Variants in NXPH2 observed in about 807,000 individuals in gnomAD.
The protein encoded by NXPH2 is neurexophilin 2.
A neutral mutation model predicts 19.8 loss-of-function variants in NXPH2; 5 were observed. The ratio of observed to expected loss-of-function variants is 0.25; its 90% CI spans 0.13 to 0.53. The LOEUF (loss-of-function observed/expected upper bound fraction) is 0.53, where lower values mean the gene tolerates loss of function less well. Ranked by LOEUF, NXPH2 falls within the 20% of genes least tolerant of loss-of-function variation. NXPH2 has a pLI of 0.96. For synonymous variants in NXPH2, 154 were observed against 127.4 expected (o/e 1.21, Z -1.41); for missense variants, 289 against 322.8 (o/e 0.90, Z 0.80).
intron 1 of NXPH2, among the ~76,000 whole-genome samples, chr2:138,723,159 G>A (rs1308139727): frequency 1.4e-5 from 2 of 140,170 alleles, no homozygotes; most frequent in East Asian, 2.6e-4. Context: ...AACACAAACA[G>A]ACAAGCAAGC....
intron 1 of NXPH2, among the ~76,000 whole-genome samples, chr2:138,723,743 C>G (rs1051930308): frequency 5.9e-5 from 9 of 152,152 alleles, no homozygotes; most frequent in Admixed American, 5.9e-4. Context: ...TGGAGAGAAG[C>G]TCACCCACTC....
At chr2:138,770,251 C>T (rs906694500) in intron 1 of NXPH2, among the ~76,000 whole-genome samples, 36 of 152,080 alleles carry the variant, frequency 2.4e-4, no homozygotes, top group Admixed American at 2.2e-3. Flanking sequence ...TAATTCTAAT[C>T]CCACCATAAT....
intron 1 of NXPH2, among the ~76,000 whole-genome samples, chr2:138,753,481 T>C (rs527507155): frequency 6.6e-6 from 1 of 152,180 alleles, no homozygotes; most frequent in Non-Finnish European, 1.5e-5. Context: ...AAAAATGGTA[T>C]TAGAAACCAA....
At chr2:138,722,350 A>C (rs933847509) in intron 1 of NXPH2, among the ~76,000 whole-genome samples, 1 of 152,354 alleles carries the variant, frequency 6.6e-6, no homozygotes, top group Non-Finnish European at 1.5e-5. Flanking sequence ...CAGCAAATGC[A>C]AATGCCCTAC....
intron 1 of NXPH2, among the ~76,000 whole-genome samples, chr2:138,679,930 A>C (rs1180063632): frequency 6.6e-6 from 1 of 152,168 alleles, no homozygotes; most frequent in African/African-American, 2.4e-5. Context: ...ACTGAGAAGA[A>C]AAAGTGGAGT....
intron 1 of NXPH2, among the ~76,000 whole-genome samples, chr2:138,757,405 T>C (rs1330447202): frequency 6.6e-6 from 1 of 152,108 alleles, no homozygotes; most frequent in Non-Finnish European, 1.5e-5. Flanking sequence ...TTCCCTTGGG[T>C]CCTCCTCCAC....
chr2:138,697,658 C>T (rs965457111), intron 1 of NXPH2, among the ~76,000 whole-genome samples: 2 of 151,622 alleles, frequency 1.3e-5, no homozygotes, highest in East Asian at 3.9e-4. Flanking sequence ...TTATTTTCTT[C>T]TTTGTACTTA....
intron 1 of NXPH2, among the ~76,000 whole-genome samples, chr2:138,696,894 A>G (rs1680837334): frequency 6.6e-6 from 1 of 152,200 alleles, no homozygotes; most frequent in Non-Finnish European, 1.5e-5. Flanking sequence ...TAAATAATGG[A>G]TAATCAAATA....
chr2:138,729,707 A>C (rs955392013), intron 1 of NXPH2, among the ~76,000 whole-genome samples: 1 of 152,098 alleles, frequency 6.6e-6, no homozygotes, highest in Admixed American at 6.6e-5. Flanking sequence ...GAAGCACACC[A>C]TTTCTGAGCT....
chr2:138,721,348 A>AG (rs1177412958), intron 1 of NXPH2, among the ~76,000 whole-genome samples: 1 of 152,150 alleles, frequency 6.6e-6, no homozygotes, highest in African/African-American at 2.4e-5. Context: ...TGAAAAAAAA[A>AG]AAAATTGCCA....
At chr2:138,694,677 A>G (rs1680803454) in intron 1 of NXPH2, among the ~76,000 whole-genome samples, 1 of 152,178 alleles carries the variant, frequency 6.6e-6, no homozygotes, top group Non-Finnish European at 1.5e-5. Flanking sequence ...GGTTTGTAGT[A>G]TAGATGGTCT....
intron 1 of NXPH2, among the ~76,000 whole-genome samples, chr2:138,692,661 TC>T (rs1680762512): frequency 6.6e-6 from 1 of 152,320 alleles, no homozygotes; most frequent in East Asian, 1.9e-4. Flanking sequence ...CAGGCCTCAT[TC>T]TTATGCATAG....
At chr2:138,726,401 C>A (rs989368199) in intron 1 of NXPH2, among the ~76,000 whole-genome samples, 4 of 151,994 alleles carry the variant, frequency 2.6e-5, no homozygotes, top group Non-Finnish European at 5.9e-5. Flanking sequence ...GGTTGTTAAC[C>A]AAGATGCAGA....
At position 138,681,938 on chromosome 2, in the gene NXPH2, C is replaced by T. The variant is rs1278399796; in HGVS notation, c.52-10273G>A. Among the ~76,000 whole-genome samples, 5 of 152,084 alleles carry T rather than the reference C, an allele frequency of 3.3e-5. No homozygotes were observed. The South Asian group carries it at 6.2e-4, about 19-fold the overall frequency. The stretch of plus-strand genomic sequence containing the variant: ...GGTTATTAATTTAAGCCAAGAACCC[C>T]AAAGTGACCGCTATTATACAATCTA... On this transcript the variant is annotated intron_variant, in intron 1 of 1. Coordinates refer to ENST00000272641, the MANE Select transcript of NXPH2 (RefSeq NM_007226.3).
intron 1 of NXPH2, among the ~76,000 whole-genome samples, chr2:138,757,842 T>TATCC (rs1467060888): frequency 1.7e-4 from 23 of 136,246 alleles, no homozygotes; most frequent in African/African-American, 5.5e-4. Flanking sequence ...TCTATCTATC[T>TATCC]ATCTATCTAT....
chr2:138,685,698 A>T (rs1680639289), intron 1 of NXPH2, among the ~76,000 whole-genome samples: 1 of 152,194 alleles, frequency 6.6e-6, no homozygotes, highest in African/African-American at 2.4e-5. Context: ...TGTTCTACTA[A>T]ATGCTTATTG....
intron 1 of NXPH2, among the ~76,000 whole-genome samples, chr2:138,675,161 T>G (rs535619589): frequency 6.6e-6 from 1 of 152,360 alleles, no homozygotes; most frequent in South Asian, 2.1e-4. Context: ...AAATACATTT[T>G]TCATTCAAAA....
At chr2:138,679,949 C>T (rs1680547800) in intron 1 of NXPH2, among the ~76,000 whole-genome samples, 1 of 152,038 alleles carries the variant, frequency 6.6e-6, no homozygotes, top group Non-Finnish European at 1.5e-5. Context: ...GTGTCCCAAT[C>T]AAATCAGTGC....
rs192159131 is a variant in NXPH2 at position 138,713,006 on chromosome 2, G to T, written c.52-41341C>A. On this transcript the variant is annotated intron_variant, in intron 1 of 1. Coordinates refer to ENST00000272641, the MANE Select transcript of NXPH2 (RefSeq NM_007226.3). ...GTCTTCACATGATTTTTAAGTGTTG[G>T]TTATTCAAGAAAATCTTCTGAATGA... Among the ~76,000 whole-genome samples the T allele has an allele frequency of 2.0e-5, 3 of 152,266 alleles. No homozygotes were observed. In the South Asian group the frequency reaches 6.2e-4, roughly 32 times the overall value.
Sources: allele counts gnomAD v4.1 joint callset (sites outside exome capture counted in the v4.1 genomes callset), GRCh38; gene constraint gnomAD v4.1.1; transcripts MANE v1.5; gene names NCBI Gene and HGNC (gene_info 2026-07-23, HGNC 2026-07-21).